ING3: variants seen among roughly 807,000 people sequenced by gnomAD.
ING3 encodes the protein inhibitor of growth family member 3, also known as inhibitor of growth protein 3.
ING3 carries 6 observed loss-of-function variants against 64.8 expected under a neutral mutation model. That is an observed-to-expected ratio of 0.09 (90% CI 0.05 to 0.18). The LOEUF (loss-of-function observed/expected upper bound fraction) is 0.18, where lower values mean the gene tolerates loss of function less well. ING3 is among the 10% of genes least tolerant of loss of function. The pLI is 1.00. For synonymous variants in ING3, 170 were observed against 173.7 expected, an observed-to-expected ratio of 0.98 and a Z score of 0.17; for missense variants, 310 against 489.7, an observed-to-expected ratio of 0.63 and a Z score of 3.46.
At position 120,953,533 on chromosome 7, in the gene ING3, A is replaced by G. The variant is rs1412180359; in HGVS notation, c.201+129A>G. 9 of 593,646 alleles carry G rather than the reference A, an allele frequency of 1.5e-5. No homozygotes were observed. The Admixed American group carries it at 3.4e-4, about 23-fold the overall frequency. The allele number at this position is 593,646 out of a possible 1,614,324, so 36.8% of individuals were successfully genotyped here. A position where few individuals can be genotyped will look rare whatever the true frequency, so the allele number is the denominator to read the frequency against. On this transcript the variant is annotated intron_variant, in intron 3 of 11. Transcript: ENST00000315870. ...ATCAATGACTCCTTAGAATATAAAT[A>G]ATTTATTGTGGTTTAGAGCTTCAGA...
chr7:120,950,917 T>C lies in ING3; in HGVS notation c.21T>C (p.Tyr7=), dbSNP rs1280681097. MLYLED[Y]LEMIEQLPMD... Reference sequence around the variant, plus strand: ...CCGCGATGTTGTACCTAGAAGACTATCTGGAAAGTGAGTGCGCGGCGCTGG... The same window carrying C: ...CCGCGATGTTGTACCTAGAAGACTACCTGGAAAGTGAGTGCGCGGCGCTGG... The change falls in exon 1 of 12, where the codon TAT becomes TAC. Residue 7 remains tyrosine, a synonymous_variant. Coordinates refer to ENST00000315870, the MANE Select transcript of ING3 (RefSeq NM_019071.3). 1 of 1,612,982 alleles carries C rather than the reference T, an allele frequency of 6.2e-7. No individual in the cohort carries two copies. Among genetic ancestry groups the C allele is most frequent in the Non-Finnish European group, 8.5e-7 (1 of 1,179,666 alleles).
intron 5 of ING3, 93 bp downstream of exon 5, chr7:120,964,931 C>T (rs1470184685): frequency 1.2e-5 from 12 of 966,562 alleles, no homozygotes; most frequent in Non-Finnish European, 1.9e-5. Context: ...TGAAATCCTG[C>T]CCTTCAATGG....
At chr7:120,953,794 G>C (rs992092202) in intron 3 of ING3, among the ~76,000 whole-genome samples, 3 of 152,166 alleles carry the variant, frequency 2.0e-5, no homozygotes, top group African/African-American at 7.2e-5. Context: ...TGGACCCACA[G>C]AAGAACGAAA....
chr7:120,966,109 G>A (rs534847368), intron 5 of ING3, among the ~76,000 whole-genome samples: 1 of 152,110 alleles, frequency 6.6e-6, no homozygotes, highest in Admixed American at 6.5e-5. Flanking sequence ...TTAAAGCTTG[G>A]TGTTAGAGAT....
At position 120,976,693 on chromosome 7, in the gene ING3, G is replaced by T. The variant is rs1323042507; in HGVS notation, c.*1849G>T. 6.6e-6 allele frequency: 1 copy of T among 152,132 alleles called. No homozygotes were observed. Among genetic ancestry groups the T allele is most frequent in the Non-Finnish European group, 1.5e-5 (1 of 68,024 alleles). 9.4% of individuals were successfully genotyped at this position (152,132 alleles called of 1,614,324 possible). A position where few individuals can be genotyped will look rare whatever the true frequency, so the allele number is the denominator to read the frequency against. On this transcript the variant is annotated 3_prime_UTR_variant, in exon 12 of 12. Coordinates refer to ENST00000315870, the MANE Select transcript of ING3 (RefSeq NM_019071.3). The stretch of plus-strand genomic sequence containing the variant: ...AAATGGTCAAAGGAAAAAGCCTTAT[G>T]TACAGCCTTATTTGAAGAGAAAGTT...
chr7:120,951,532 A>G (rs373962748), intron 2 of ING3, among the ~76,000 whole-genome samples: 102 of 152,330 alleles, frequency 6.7e-4, no homozygotes, highest in East Asian at 3.3e-3. Context: ...CTATGTTTCA[A>G]TGGACGTCAG....
chr7:120,973,383 T>C (rs922097163), intron 11 of ING3, 140 bp downstream of exon 11: 4 of 582,192 alleles, frequency 6.9e-6, no homozygotes, highest in Non-Finnish European at 1.2e-5. Flanking sequence ...AATGCTAGAA[T>C]ATTCCTCTTC....
chr7:120,952,449 A>G (rs1022164439), intron 2 of ING3, among the ~76,000 whole-genome samples: 2 of 152,162 alleles, frequency 1.3e-5, no homozygotes, highest in Admixed American at 6.5e-5. Flanking sequence ...TTTATATTTT[A>G]TTGTTTAAAA....
chr7:120,952,211 G>A (rs1584985767), intron 2 of ING3, among the ~76,000 whole-genome samples: 1 of 152,238 alleles, frequency 6.6e-6, no homozygotes. Context: ...ATTTGCTGAA[G>A]TAGTGTTCTC....
At chr7:120,955,379 T>C (rs1400673798) in intron 3 of ING3, among the ~76,000 whole-genome samples, 180 bp from the exon 4 acceptor site, 2 of 152,196 alleles carry the variant, frequency 1.3e-5, no homozygotes, top group African/African-American at 4.8e-5. Flanking sequence ...TCCGTCCTCC[T>C]TGGCCTCCAA....
chr7:120,965,835 T>A (rs149616105), intron 5 of ING3, among the ~76,000 whole-genome samples: 11 of 152,202 alleles, frequency 7.2e-5, no homozygotes, highest in Non-Finnish European at 1.2e-4. Flanking sequence ...GGAGGAACCC[T>A]ATATAAAGAT....
rs965235305 is a variant in ING3 at position 120,975,892 on chromosome 7, A to G, written c.*1048A>G. On this transcript the variant is annotated 3_prime_UTR_variant, in exon 12 of 12. Coordinates refer to ENST00000315870, the MANE Select transcript of ING3 (RefSeq NM_019071.3). ...CATCATCTGGCTTTTCCTTCAGTCT[A>G]AAAGACATGAAAGAAGTGTAAGTAT... is the stretch of plus-strand genomic sequence containing the variant. The G allele has an allele frequency of 2.0e-5, 3 of 152,290 alleles. No homozygotes were observed. The South Asian group carries it at 6.2e-4, about 32-fold the overall frequency. The allele number at this position is 152,290 out of a possible 1,614,324, so 9.4% of individuals were successfully genotyped here.
intron 1 of ING3, 51 bp downstream of exon 1, chr7:120,950,975 A>T (rs746098280): frequency 4.6e-5 from 72 of 1,565,756 alleles, no homozygotes; most frequent in Non-Finnish European, 5.9e-5. Context: ...CGGGCGGGCA[A>T]GAGCGCGAGT....
intron 4 of ING3, among the ~76,000 whole-genome samples, chr7:120,957,704 T>C (rs1795869957): frequency 6.6e-6 from 1 of 152,106 alleles, no homozygotes; most frequent in Non-Finnish European, 1.5e-5. Flanking sequence ...AATTCAGAAA[T>C]TAATTGAGAA....
At chr7:120,950,986 G>A in intron 1 of ING3, 62 bp downstream of exon 1, 2 of 1,592,958 alleles carry the variant, frequency 1.3e-6, no homozygotes, top group South Asian at 1.1e-5. Flanking sequence ...GAGCGCGAGT[G>A]GACGGGCAGC....
intron 4 of ING3, chr7:120,956,732 T>C (rs1795853895): frequency 2.0e-6 from 2 of 978,868 alleles, no homozygotes; most frequent in Non-Finnish European, 2.4e-6. Context: ...TAATTATGTC[T>C]ATAAACTTAG....
Position 120,951,157 on chromosome 7 carries a change from T to C in ING3, c.29-7T>C, listed in dbSNP as rs1455915984. ...CCCGCCCCTCTGACGGACTCTCCCT[T>C]TGACAGTGATTGAGCAGCTTCCTAT... On this transcript the variant is annotated splice_region_variant and splice_polypyrimidine_tract_variant and intron_variant, in intron 1 of 11. Transcript: ENST00000315870. The C allele has an allele frequency of 6.2e-7, 1 of 1,614,118 alleles. No homozygotes were observed. Among genetic ancestry groups the C allele is most frequent in the Non-Finnish European group, 8.5e-7 (1 of 1,179,984 alleles).
At chr7:120,967,735 C>CCTGGTTTCTTT in intron 7 of ING3, 87 bp downstream of exon 7, 3 of 1,385,988 alleles carry the variant, frequency 2.2e-6, no homozygotes, top group South Asian at 2.8e-5. Flanking sequence ...ATGAATCATA[C>CCTGGTTTCTTT]AGTTTCTTTA....
intron 6 of ING3, among the ~76,000 whole-genome samples, chr7:120,966,957 GATTCTCCTTAGGGAGCTTTTCAACTGAGC>G (rs1255766767): frequency 6.6e-6 from 1 of 152,114 alleles, no homozygotes; most frequent in Admixed American, 6.5e-5. Context: ...ACACATACCT[GATTCTCCTTAGGGAGCTTTTCAACTGAGC>G]ATTCTCCTTA....
Sources: allele counts gnomAD v4.1 joint callset (sites outside exome capture counted in the v4.1 genomes callset), GRCh38; gene constraint gnomAD v4.1.1; transcripts MANE v1.5; gene names NCBI Gene and HGNC (gene_info 2026-07-23, HGNC 2026-07-21).